Variants in LARGE1 observed in about 807,000 individuals in gnomAD.
The protein encoded by LARGE1 is xylosyl- and glucuronyltransferase LARGE1.
LARGE1 carries 43 observed loss-of-function variants against 87.6 expected under a neutral mutation model. The observed-to-expected ratio is 0.49, with a 90% CI of 0.38 to 0.63. LARGE1 has a LOEUF of 0.63. Among genes scored for constraint, LARGE1 ranks in the 30% least tolerant of loss-of-function variants. The pLI, the probability that LARGE1 is intolerant of heterozygous loss-of-function variation, is 0.00. For missense variants in LARGE1, 802 were observed against 1,000.2 expected, an observed-to-expected ratio of 0.80 and a Z score of 2.67; for synonymous variants, 434 against 394.6, an observed-to-expected ratio of 1.10 and a Z score of -1.18.
At chr22:33,237,069 C>G (rs1926288876) in intron 11 of LARGE1, among the ~76,000 whole-genome samples, 1 of 152,184 alleles carries the variant, frequency 6.6e-6, no homozygotes, top group Non-Finnish European at 1.5e-5. Flanking sequence ...CCAACTCTTA[C>G]CAAATCCTTC....
intron 5 of LARGE1, among the ~76,000 whole-genome samples, chr22:33,603,451 C>A (rs2079164078): frequency 6.6e-6 from 1 of 152,230 alleles, no homozygotes; most frequent in African/African-American, 2.4e-5. Flanking sequence ...TGCGGCTCCT[C>A]TCCTCCTACC....
At chr22:33,420,629 C>G (rs766778754) in intron 7 of LARGE1, among the ~76,000 whole-genome samples, 5 of 152,152 alleles carry the variant, frequency 3.3e-5, no homozygotes, top group Non-Finnish European at 7.4e-5. Flanking sequence ...AAGACAGTTT[C>G]TCCCCCACAA....
At chr22:33,263,509 T>A (rs749451780) in intron 11 of LARGE1, among the ~76,000 whole-genome samples, 1 of 152,202 alleles carries the variant, frequency 6.6e-6, no homozygotes, top group African/African-American at 2.4e-5. Flanking sequence ...TCAATAGCCA[T>A]GTAGAGAGCA....
chr22:33,575,358 G>A (rs768080937), intron 5 of LARGE1, among the ~76,000 whole-genome samples: 1 of 152,174 alleles, frequency 6.6e-6, no homozygotes, highest in African/African-American at 2.4e-5. Flanking sequence ...AAGTGTTGAT[G>A]TAAGATCAGG....
intron 11 of LARGE1, among the ~76,000 whole-genome samples, chr22:33,193,534 G>A (rs778418079): frequency 1.2e-4 from 18 of 152,234 alleles, no homozygotes; most frequent in Middle Eastern, 3.4e-3. Context: ...GATGTCGGCC[G>A]GGCACGGTGG....
intron 2 of LARGE1, among the ~76,000 whole-genome samples, chr22:33,703,300 G>C (rs964120114): frequency 6.8e-6 from 1 of 147,348 alleles, no homozygotes; most frequent in Non-Finnish European, 1.5e-5. Context: ...TGTGGCACAT[G>C]TATACCTATG....
chr22:33,630,631 A>G (rs2080079535), intron 3 of LARGE1, among the ~76,000 whole-genome samples: 1 of 152,246 alleles, frequency 6.6e-6, no homozygotes, highest in Admixed American at 6.5e-5. Flanking sequence ...GATACTCATC[A>G]TGATTACAGT....
At chr22:33,076,708 T>A in the LARGE1 span, among the ~76,000 whole-genome samples, 3 of 152,322 alleles carry the variant, frequency 2.0e-5, no homozygotes, top group East Asian at 5.8e-4. Flanking sequence ...CCAATAGTGT[T>A]TATCCATATG....
intron 2 of LARGE1, among the ~76,000 whole-genome samples, chr22:33,662,107 A>C (rs1003236038): frequency 1.3e-5 from 2 of 150,410 alleles, no homozygotes; most frequent in African/African-American, 4.9e-5. Flanking sequence ...AAAGGAAAAG[A>C]ATCTCATAGT....
chr22:33,777,443 G>A (rs1447218679), intron 1 of LARGE1, among the ~76,000 whole-genome samples: 3 of 152,076 alleles, frequency 2.0e-5, no homozygotes, highest in Admixed American at 2.0e-4. Context: ...TTCAAGACCA[G>A]CCTGGGCTAC....
chr22:33,807,617 C>T (rs2086353399), intron 1 of LARGE1, among the ~76,000 whole-genome samples: 1 of 152,182 alleles, frequency 6.6e-6, no homozygotes, highest in Admixed American at 6.5e-5. Context: ...ACATATCATA[C>T]AGAGTAGTTT....
chr22:33,624,149 A>AT (rs1311032000), intron 4 of LARGE1, among the ~76,000 whole-genome samples: 2 of 152,228 alleles, frequency 1.3e-5, no homozygotes, highest in African/African-American at 4.8e-5. Context: ...TAATTAACTG[A>AT]TTGAATATAT....
At chr22:33,380,234 A>G (rs2065115941) in intron 9 of LARGE1, among the ~76,000 whole-genome samples, 1 of 152,202 alleles carries the variant, frequency 6.6e-6, no homozygotes, top group African/African-American at 2.4e-5. Flanking sequence ...TATTCTTGAC[A>G]ATATTCCTGT....
intron 5 of LARGE1, among the ~76,000 whole-genome samples, chr22:33,589,644 G>T (rs929168048): frequency 6.6e-6 from 1 of 151,928 alleles, no homozygotes; most frequent in East Asian, 1.9e-4. Context: ...TTCAATTACT[G>T]CATGAAATGC....
At chr22:33,647,202 A>C (rs2080647115) in intron 3 of LARGE1, among the ~76,000 whole-genome samples, 2 of 152,212 alleles carry the variant, frequency 1.3e-5, no homozygotes, top group Non-Finnish European at 2.9e-5. Flanking sequence ...ACCAAGTTTG[A>C]GAACCACCCA....
intron 1 of LARGE1, among the ~76,000 whole-genome samples, chr22:33,872,359 CTATTATTATTATTATTATTAT>C (rs3072360): frequency 2.1e-5 from 3 of 142,796 alleles, no homozygotes; most frequent in Admixed American, 7.1e-5. Flanking sequence ...TAAATGCTAT[CTATTATTATTATTATTATTAT>C]TATTATTATT....
intron 1 of LARGE1, among the ~76,000 whole-genome samples, chr22:33,852,936 C>T (rs369368427): frequency 7.4e-6 from 1 of 134,656 alleles, no homozygotes; most frequent in East Asian, 2.3e-4. Flanking sequence ...AAAAACAGAA[C>T]AGGGTAAAGA....
chr22:33,519,265 T>G (rs1277916259), intron 6 of LARGE1, among the ~76,000 whole-genome samples: 1 of 149,348 alleles, frequency 6.7e-6, no homozygotes, highest in Non-Finnish European at 1.5e-5. Context: ...TGTGGTCACA[T>G]ATGCCTCAGA....
chr22:33,346,231 T>TCTTCCTTC (rs373678345), intron 9 of LARGE1, among the ~76,000 whole-genome samples: 70 of 151,332 alleles, frequency 4.6e-4, no homozygotes, highest in African/African-American at 1.2e-3. Context: ...TCTCTTCCTT[T>TCTTCCTTC]CTTCCTTCCT....
Sources: gnomAD v4.1 joint callset for allele counts (sites outside exome capture counted in the v4.1 genomes callset) on GRCh38, gnomAD v4.1.1 for gene constraint, MANE v1.5 for transcripts, NCBI Gene and HGNC (gene_info 2026-07-23, HGNC 2026-07-21) for gene names.